The following ST8SIA6 variants were observed in gnomAD, a reference collection of about 807,000 sequenced individuals.
ST8SIA6 encodes the protein ST8 alpha-N-acetyl-neuraminide alpha-2,8-sialyltransferase 6, also known as alpha-2,8-sialyltransferase 8F.
ST8SIA6 carries 39 observed loss-of-function variants against 33.6 expected under a neutral mutation model. That is an observed-to-expected ratio of 1.16 (90% CI 0.90 to 1.52). The LOEUF (loss-of-function observed/expected upper bound fraction) is 1.52, where lower values mean the gene tolerates loss of function less well. Ranked by LOEUF, ST8SIA6 falls within the 40% of genes most tolerant of loss-of-function variation. ST8SIA6 has a pLI of 0.00. For synonymous variants in ST8SIA6, 172 were observed against 167.2 expected (o/e 1.03, Z -0.22); for missense variants, 441 against 443.8 (o/e 0.99, Z 0.06).
intron 4 of ST8SIA6, among the ~76,000 whole-genome samples, chr10:17,336,441 A>C (rs1340673999): frequency 6.6e-6 from 1 of 152,102 alleles, no homozygotes; most frequent in Non-Finnish European, 1.5e-5. Flanking sequence ...GTTGCAATTC[A>C]AAGTAAATTA....
chr10:17,434,464 A>G (rs1852190743), intron 2 of ST8SIA6, among the ~76,000 whole-genome samples: 1 of 152,268 alleles, frequency 6.6e-6, no homozygotes, highest in Non-Finnish European at 1.5e-5. Context: ...GAAGCCATTA[A>G]TAACCTTTTG....
intron 2 of ST8SIA6, among the ~76,000 whole-genome samples, chr10:17,403,901 A>ATCAGT (rs1354260195): frequency 1.9e-4 from 29 of 151,936 alleles, no homozygotes; most frequent in African/African-American, 6.8e-4. Context: ...GTCTCTACTG[A>ATCAGT]AATTACAAAA....
intron 3 of ST8SIA6, 26 bp from the exon 4 acceptor site, chr10:17,359,626 AG>A: frequency 4.2e-6 from 6 of 1,413,788 alleles, no homozygotes; most frequent in Non-Finnish European, 5.9e-6. Flanking sequence ...CAATATAATT[AG>A]AAAATAATGA....
chr10:17,363,310 C>T (rs1849456271), intron 3 of ST8SIA6, among the ~76,000 whole-genome samples: 1 of 138,526 alleles, frequency 7.2e-6, no homozygotes, highest in Admixed American at 7.2e-5. Flanking sequence ...GTGTGTGTGT[C>T]CTGTTAAACT....
At chr10:17,422,527 A>G (rs2131709241) in intron 2 of ST8SIA6, among the ~76,000 whole-genome samples, 1 of 152,326 alleles carries the variant, frequency 6.6e-6, no homozygotes, top group Middle Eastern at 3.4e-3. Context: ...CTTCATGGCA[A>G]ATAGACCTTA....
At chr10:17,384,842 CTTTT>C (rs919131727) in intron 3 of ST8SIA6, among the ~76,000 whole-genome samples, 6 of 152,088 alleles carry the variant, frequency 3.9e-5, no homozygotes, top group African/African-American at 1.4e-4. Flanking sequence ...CAGGATTGTT[CTTTT>C]GTTTGTAGCT....
chr10:17,326,707 C>T (rs1848140598), intron 6 of ST8SIA6, among the ~76,000 whole-genome samples: 2 of 152,178 alleles, frequency 1.3e-5, no homozygotes, highest in Admixed American at 6.5e-5. Context: ...CCTCTGGAGT[C>T]CTCCCAAGGT....
At chr10:17,449,313 T>C (rs966572249) in intron 2 of ST8SIA6, among the ~76,000 whole-genome samples, 7 of 152,060 alleles carry the variant, frequency 4.6e-5, no homozygotes, top group African/African-American at 7.2e-5. Flanking sequence ...CAAGAGCTGG[T>C]TATTTAAAGA....
At chr10:17,386,851 C>G (rs531152444) in intron 3 of ST8SIA6, 1 of 152,440 alleles carries the variant, frequency 6.6e-6, no homozygotes, top group East Asian at 1.9e-4. Flanking sequence ...CTCTCTGGGT[C>G]TTCAGAACAG....
intron 2 of ST8SIA6, among the ~76,000 whole-genome samples, chr10:17,432,361 C>G (rs1036241282): frequency 2.0e-5 from 3 of 152,158 alleles, no homozygotes; most frequent in African/African-American, 7.2e-5. Context: ...GAAGGGGACA[C>G]TAGTTCTGAG....
intron 2 of ST8SIA6, chr10:17,413,569 C>G (rs1488180015): frequency 6.6e-6 from 1 of 152,120 alleles, no homozygotes; most frequent in Non-Finnish European, 1.5e-5. Flanking sequence ...ACACAGTGTC[C>G]CACTCTGAAA....
rs1847890158 is a variant in ST8SIA6 at position 17,319,892 on chromosome 10, C to T, written c.*986G>A. The T allele has an allele frequency of 6.6e-6, 1 of 152,028 alleles. No homozygotes were observed. Among genetic ancestry groups the T allele is most frequent in the African/African-American group, 2.4e-5 (1 of 41,404 alleles). The allele number at this position is 152,028 out of a possible 1,614,324, so 9.4% of individuals were successfully genotyped here. On this transcript the variant is annotated 3_prime_UTR_variant, in exon 8 of 8. Coordinates refer to ENST00000377602, the MANE Select transcript of ST8SIA6 (RefSeq NM_001004470.3). ...GACTATTGTACATTGAAATAGATTC[C>T]ACTGAAATGGATTTAATTATCCCTG...
chr10:17,337,074 C>T (rs986417035), intron 4 of ST8SIA6, among the ~76,000 whole-genome samples: 3 of 152,028 alleles, frequency 2.0e-5, no homozygotes, highest in Non-Finnish European at 4.4e-5. Context: ...GTGGATTTCC[C>T]CCTAGCTGTT....
rs1021537400 is a variant in ST8SIA6, at chr10:17,454,203, A to T, written c.53T>A (p.Leu18Gln). 8.6e-5 allele frequency: 24 copies of T among 278,750 alleles called. No individual in the cohort carries two copies. Among genetic ancestry groups the T allele is most frequent in the Non-Finnish European group, 1.5e-4 (22 of 151,464 alleles). The allele number at this position is 278,750 out of a possible 1,614,324, so 17.3% of individuals were successfully genotyped here. A position where few individuals can be genotyped will look rare whatever the true frequency, so the allele number is the denominator to read the frequency against. The change falls in exon 1 of 8, where the codon CTG becomes CAG. Residue 18 changes from leucine to glutamine, a missense_variant. By Grantham distance (113) the Leu-to-Gln change is moderately radical (BLOSUM62 -2). Transcript: ENST00000377602. The surrounding 1 kb of genome is among the most constrained non-coding windows in gnomAD (Gnocchi z 4.1). ...CGGGCACCAGAGCAGGCGCAGCAGCAGCAGCAGCAGCAGGCTGGCGAGCAG... is the reference window on the plus strand; with the variant it reads ...CGGGCACCAGAGCAGGCGCAGCAGCTGCAGCAGCAGCAGGCTGGCGAGCAG... ...LALLASLLLL[L>Q]LLRLLWCPAD...
At chr10:17,404,064 C>CAAAA (rs964237726) in intron 2 of ST8SIA6, among the ~76,000 whole-genome samples, 18 of 56,414 alleles carry the variant, frequency 3.2e-4, no homozygotes, top group East Asian at 2.6e-3. Context: ...GACACTGTCT[C>CAAAA]AAAAAAAAAA....
intron 4 of ST8SIA6, among the ~76,000 whole-genome samples, chr10:17,346,543 G>A (rs1481207737): frequency 6.6e-6 from 1 of 152,180 alleles, no homozygotes; most frequent in Non-Finnish European, 1.5e-5. Flanking sequence ...GCAGTGAGCT[G>A]TGATGGTGCC....
At chr10:17,350,696 G>T (rs1588825348) in intron 4 of ST8SIA6, among the ~76,000 whole-genome samples, 1 of 150,844 alleles carries the variant, frequency 6.6e-6, no homozygotes, top group East Asian at 2.0e-4. Flanking sequence ...AAATAGAGTT[G>T]TCTATTGAAC....
chr10:17,408,698 A>C (rs191525703), intron 2 of ST8SIA6, among the ~76,000 whole-genome samples: 1 of 151,956 alleles, frequency 6.6e-6, no homozygotes, highest in Non-Finnish European at 1.5e-5. Flanking sequence ...AAATAAATAC[A>C]TCTTCACTAA....
At chr10:17,450,809 C>T (rs1852883020) in intron 2 of ST8SIA6, among the ~76,000 whole-genome samples, 1 of 152,200 alleles carries the variant, frequency 6.6e-6, no homozygotes, top group Non-Finnish European at 1.5e-5. Context: ...CATTTTTCCT[C>T]AGAAAGAACA....
Sources: gnomAD v4.1 joint callset for allele counts (sites outside exome capture counted in the v4.1 genomes callset) on GRCh38, gnomAD v4.1.1 for gene constraint, Gnocchi (gnomAD v3.1) non-coding constraint, MANE v1.5 for transcripts, NCBI Gene and HGNC (gene_info 2026-07-23, HGNC 2026-07-21) for gene names.